Variants in ARFIP1 observed in about 807,000 individuals in gnomAD.
ARFIP1 encodes the protein arfaptin-1.
ARFIP1 carries 24 observed loss-of-function variants against 42.5 expected under a neutral mutation model. The observed-to-expected ratio is 0.57, with a 90% CI of 0.41 to 0.80. ARFIP1 has a LOEUF of 0.80. Among genes scored for constraint, ARFIP1 ranks in the 30% least tolerant of loss-of-function variants. ARFIP1 has a pLI of 0.00. For synonymous variants in ARFIP1, 141 were observed against 153.7 expected, an observed-to-expected ratio of 0.92 and a Z score of 0.61; for missense variants, 354 against 434.0, an observed-to-expected ratio of 0.82 and a Z score of 1.64.
intron 8 of ARFIP1, among the ~76,000 whole-genome samples, chr4:152,907,687 T>C (rs1014134976): frequency 9.2e-5 from 14 of 152,206 alleles, no homozygotes; most frequent in Non-Finnish European, 1.6e-4. Context: ...TACTCCTGAG[T>C]TTCATCCATA....
At chr4:152,848,958 C>T (rs1441206137) in intron 2 of ARFIP1, among the ~76,000 whole-genome samples, 3 of 152,140 alleles carry the variant, frequency 2.0e-5, no homozygotes, top group African/African-American at 4.8e-5. Context: ...GGGGCTTTTT[C>T]AGAGAGCCAG....
chr4:152,885,857 C>T (rs1223081190), intron 7 of ARFIP1, among the ~76,000 whole-genome samples: 2 of 151,764 alleles, frequency 1.3e-5, no homozygotes, highest in Admixed American at 6.6e-5. Context: ...TCTAATTTGG[C>T]CATAATAATA....
intron 8 of ARFIP1, among the ~76,000 whole-genome samples, chr4:152,897,646 G>A (rs1737454814): frequency 6.6e-6 from 1 of 152,128 alleles, no homozygotes; most frequent in Admixed American, 6.6e-5. Flanking sequence ...TTGCTGTGAT[G>A]TATCTGTTCT....
chr4:152,820,366 T>C (rs1157033434), intron 1 of ARFIP1, among the ~76,000 whole-genome samples: 1 of 152,122 alleles, frequency 6.6e-6, no homozygotes, highest in Admixed American at 6.5e-5. Context: ...ACAATAAGCT[T>C]CATGAGACCT....
intron 5 of ARFIP1, among the ~76,000 whole-genome samples, chr4:152,880,742 A>C (rs1240067719): frequency 6.6e-6 from 1 of 152,172 alleles, no homozygotes; most frequent in Non-Finnish European, 1.5e-5. Context: ...GGCAGTATAT[A>C]AGTTTGCTAG....
At position 152,786,167 on chromosome 4, in the gene ARFIP1, T is replaced by C. The variant is rs552589743; in HGVS notation, c.-10+5941T>C. On this transcript the variant is annotated intron_variant, in intron 1 of 8. Transcript: ENST00000353617. ...TTTCTTGGATATTTGGGGATTATAG[T>C]TAGCTGCTTTTCTAGGATAAAGATG... 2.0e-5 allele frequency among the ~76,000 whole-genome samples: 3 copies of C among 152,364 alleles called. No homozygotes were observed. In the East Asian group the frequency reaches 5.8e-4, roughly 29 times the overall value.
chr4:152,905,362 G>GT (rs1738225419), intron 8 of ARFIP1, among the ~76,000 whole-genome samples: 1 of 151,976 alleles, frequency 6.6e-6, no homozygotes, highest in East Asian at 1.9e-4. Flanking sequence ...TATGGTCAAG[G>GT]TTTTTTAATT....
chr4:152,834,018 C>T (rs1415788873), intron 2 of ARFIP1, among the ~76,000 whole-genome samples: 2 of 152,120 alleles, frequency 1.3e-5, no homozygotes, highest in African/African-American at 4.8e-5. Context: ...CCTCAGGGAG[C>T]TTTTACCCAT....
chr4:152,824,129 A>G (rs1413029457), intron 1 of ARFIP1, among the ~76,000 whole-genome samples: 2 of 152,040 alleles, frequency 1.3e-5, no homozygotes, highest in African/African-American at 4.8e-5. Flanking sequence ...CCTGGCCAAC[A>G]TGGTGAAACC....
rs562077026 is a variant in ARFIP1 at position 152,799,832 on chromosome 4, T to C, written c.-10+19606T>C. Among the ~76,000 whole-genome samples, 127 of 152,272 alleles carry C rather than the reference T, an allele frequency of 8.3e-4. 1 individual carries two copies. Among genetic ancestry groups the C allele is most frequent in the Admixed American group, 1.3e-3 (20 of 15,290 alleles). On this transcript the variant is annotated intron_variant, in intron 1 of 8. Coordinates refer to ENST00000353617, the MANE Select transcript of ARFIP1 (RefSeq NM_001025595.3). ...GATTCATAAAAATAAATGAAAGTAT[T>C]CTGTTTGTGGTTTACTGTTGTGAGT...
intron 2 of ARFIP1, among the ~76,000 whole-genome samples, chr4:152,849,503 G>A (rs148791513): frequency 2.8e-4 from 42 of 152,316 alleles, no homozygotes; most frequent in African/African-American, 9.4e-4. Flanking sequence ...TTTGATGCAA[G>A]TTGGTACATG....
At chr4:152,875,484 G>A (rs1025003480) in intron 5 of ARFIP1, among the ~76,000 whole-genome samples, 12 of 146,452 alleles carry the variant, frequency 8.2e-5, no homozygotes, top group Non-Finnish European at 1.8e-4. Context: ...TTTGCCATTA[G>A]CATTCACACC....
At chr4:152,887,297 A>G (rs1247614977) in intron 7 of ARFIP1, among the ~76,000 whole-genome samples, 1 of 151,984 alleles carries the variant, frequency 6.6e-6, no homozygotes, top group Non-Finnish European at 1.5e-5. Flanking sequence ...GGGGGAGAAT[A>G]TCAGAGTGAG....
chr4:152,783,879 TAAAG>T (rs1178081697), intron 1 of ARFIP1, among the ~76,000 whole-genome samples: 1 of 151,798 alleles, frequency 6.6e-6, no homozygotes, highest in East Asian at 1.9e-4. Flanking sequence ...CTACTTGAAA[TAAAG>T]AATTGTAAGT....
chr4:152,829,237 C>T (rs1203390000), intron 1 of ARFIP1, among the ~76,000 whole-genome samples: 1 of 152,138 alleles, frequency 6.6e-6, no homozygotes, highest in Non-Finnish European at 1.5e-5. Context: ...TCTACTCTGC[C>T]CTGTGCTCTC....
Position 152,780,209 on chromosome 4 carries a change from C to G in ARFIP1, c.-27C>G, listed in dbSNP as rs754645660. The G allele has an allele frequency of 2.0e-5, 3 of 152,240 alleles. No homozygotes were observed. Among genetic ancestry groups the G allele is most frequent in the Non-Finnish European group, 4.4e-5 (3 of 68,096 alleles). 9.4% of individuals were successfully genotyped at this position (152,240 alleles called of 1,614,324 possible). A position where few individuals can be genotyped will look rare whatever the true frequency, so the allele number is the denominator to read the frequency against. On this transcript the variant is annotated 5_prime_UTR_variant, in exon 1 of 9. Coordinates refer to ENST00000353617, the MANE Select transcript of ARFIP1 (RefSeq NM_001025595.3). ...GGATAAGCCTCGACTTAGAAGCTACCGAGTTACCCTAAGAAAGGTGAGGGC... is the reference window on the plus strand; with the variant it reads ...GGATAAGCCTCGACTTAGAAGCTACGGAGTTACCCTAAGAAAGGTGAGGGC...
chr4:152,906,368 CT>C (rs1561187694), intron 8 of ARFIP1, among the ~76,000 whole-genome samples: 1 of 152,232 alleles, frequency 6.6e-6, no homozygotes, highest in Non-Finnish European at 1.5e-5. Context: ...ATGCCTGCCC[CT>C]CTCACAGTCT....
At chr4:152,898,861 T>G (rs769169601) in intron 8 of ARFIP1, among the ~76,000 whole-genome samples, 3 of 152,202 alleles carry the variant, frequency 2.0e-5, no homozygotes, top group Non-Finnish European at 4.4e-5. Context: ...GTTCCCTTCT[T>G]GAAGCACAGC....
At chr4:152,788,589 G>C (rs1233457831) in intron 1 of ARFIP1, among the ~76,000 whole-genome samples, 1 of 152,172 alleles carries the variant, frequency 6.6e-6, no homozygotes, top group Admixed American at 6.5e-5. Context: ...GCTGAGGTGG[G>C]AGGATTACTT....
Sources: allele counts gnomAD v4.1 joint callset (sites outside exome capture counted in the v4.1 genomes callset), GRCh38; gene constraint gnomAD v4.1.1; transcripts MANE v1.5; gene names NCBI Gene and HGNC (gene_info 2026-07-23, HGNC 2026-07-21).